Variants in RNF220 observed in about 807,000 individuals in gnomAD.
RNF220 encodes the protein ring finger protein 220, also known as E3 ubiquitin-protein ligase RNF220.
A neutral mutation model predicts 67.1 loss-of-function variants in RNF220; 7 were observed. That is an observed-to-expected ratio of 0.10 (90% CI 0.06 to 0.20). The LOEUF is 0.20. Ranked by LOEUF, RNF220 falls within the 10% of genes least tolerant of loss-of-function variation. The pLI, the probability that RNF220 is intolerant of heterozygous loss-of-function variation, is 1.00. For missense variants in RNF220, 565 were observed against 740.3 expected (o/e 0.76, Z 2.75); for synonymous variants, 270 against 283.2 (o/e 0.95, Z 0.47).
intron 2 of RNF220, among the ~76,000 whole-genome samples, chr1:44,578,918 C>A (rs1277719013): frequency 6.6e-6 from 1 of 152,142 alleles, no homozygotes; most frequent in Admixed American, 6.5e-5. Context: ...GTAATCCCAG[C>A]ACTTTGGGAG....
chr1:44,539,660 G>A (rs1250261592), intron 2 of RNF220, among the ~76,000 whole-genome samples: 1 of 152,176 alleles, frequency 6.6e-6, no homozygotes, highest in African/African-American at 2.4e-5. Flanking sequence ...TAACACTAAA[G>A]TCAGTCTTAA....
intron 2 of RNF220, among the ~76,000 whole-genome samples, chr1:44,441,245 T>C (rs1651521954): frequency 6.6e-6 from 1 of 152,190 alleles, no homozygotes; most frequent in Non-Finnish European, 1.5e-5. Flanking sequence ...GGACTGAGGC[T>C]TTTAATTTGC....
chr1:44,503,581 T>C (rs1310161213), intron 2 of RNF220, among the ~76,000 whole-genome samples: 1 of 152,096 alleles, frequency 6.6e-6, no homozygotes, highest in Admixed American at 6.6e-5. Context: ...ACATATAATC[T>C]CAGACACCCC....
intron 2 of RNF220, among the ~76,000 whole-genome samples, chr1:44,528,202 CTAAG>C (rs917554886): frequency 2.6e-5 from 4 of 151,688 alleles, no homozygotes; most frequent in Non-Finnish European, 5.9e-5. Context: ...ATAAAATGGA[CTAAG>C]TAATGAACAA....
At chr1:44,571,398 C>T (rs956232013) in intron 2 of RNF220, among the ~76,000 whole-genome samples, 9 of 152,176 alleles carry the variant, frequency 5.9e-5, no homozygotes, top group Non-Finnish European at 1.0e-4. Flanking sequence ...CTTTCCTGGC[C>T]ACCTGCTGTC....
chr1:44,484,806 T>A (rs1486405942), intron 2 of RNF220, among the ~76,000 whole-genome samples: 1 of 152,180 alleles, frequency 6.6e-6, no homozygotes, highest in Non-Finnish European at 1.5e-5. Flanking sequence ...GATTGTACAG[T>A]CTAGATGTAC....
chr1:44,592,036 G>A (rs923140960), intron 2 of RNF220, among the ~76,000 whole-genome samples: 8 of 152,158 alleles, frequency 5.3e-5, no homozygotes, highest in African/African-American at 1.9e-4. Flanking sequence ...ACCCCCAGAG[G>A]ACTGGCCCAC....
intron 2 of RNF220, among the ~76,000 whole-genome samples, chr1:44,609,947 C>G (rs1286667699): frequency 6.6e-6 from 1 of 152,206 alleles, no homozygotes; most frequent in African/African-American, 2.4e-5. Flanking sequence ...AGAGTCGCCT[C>G]CCTGCTCTTG....
At chr1:44,469,123 A>G (rs12061137) in intron 2 of RNF220, among the ~76,000 whole-genome samples, 47,021 of 151,996 alleles carry the variant, frequency 0.31, 7,408 homozygotes, top group Middle Eastern at 0.39. Context: ...CAATAATCAT[A>G]TGAAAAAGAT....
intron 2 of RNF220, among the ~76,000 whole-genome samples, chr1:44,585,938 C>T (rs959202470): frequency 1.4e-4 from 21 of 152,076 alleles, no homozygotes; most frequent in African/African-American, 4.8e-4. Flanking sequence ...GCTGTAGACC[C>T]GAATCTACCT....
At chr1:44,586,680 G>C (rs1229521330) in intron 2 of RNF220, among the ~76,000 whole-genome samples, 1 of 152,206 alleles carries the variant, frequency 6.6e-6, no homozygotes, top group East Asian at 1.9e-4. Context: ...GGCCCTTTTA[G>C]GAGACAGTTA....
chr1:44,444,817 G>A (rs1651917573), intron 2 of RNF220, among the ~76,000 whole-genome samples: 1 of 152,076 alleles, frequency 6.6e-6, no homozygotes, highest in Non-Finnish European at 1.5e-5. Context: ...TATGAAAAAT[G>A]CTGCTATAAA....
intron 2 of RNF220, among the ~76,000 whole-genome samples, chr1:44,469,182 T>C (rs1371979307): frequency 6.6e-6 from 1 of 152,212 alleles, no homozygotes; most frequent in Non-Finnish European, 1.5e-5. Context: ...GGGAATCCTT[T>C]GGAGAAGAAT....
intron 9 of RNF220, 94 bp downstream of exon 9, chr1:44,644,888 C>A (rs999106755): frequency 6.9e-5 from 105 of 1,522,290 alleles, no homozygotes; most frequent in Non-Finnish European, 7.1e-5. Flanking sequence ...TGCACCACCC[C>A]CCGGGCCAGA....
intron 2 of RNF220, among the ~76,000 whole-genome samples, chr1:44,430,928 G>T (rs1410818296): frequency 2.6e-5 from 4 of 152,228 alleles, no homozygotes; most frequent in African/African-American, 9.6e-5. Context: ...TTGAATCTTG[G>T]AGAGATGAAT....
intron 6 of RNF220, among the ~76,000 whole-genome samples, chr1:44,634,587 T>C (rs890912571): frequency 6.6e-6 from 1 of 152,168 alleles, no homozygotes. Flanking sequence ...TCCCCATCAG[T>C]CTGGTCCCAG....
intron 2 of RNF220, among the ~76,000 whole-genome samples, chr1:44,525,014 G>A (rs1361738702): frequency 2.0e-5 from 3 of 152,040 alleles, no homozygotes; most frequent in Non-Finnish European, 2.9e-5. Flanking sequence ...AATGTCACCC[G>A]TCTATCAGAG....
intron 2 of RNF220, among the ~76,000 whole-genome samples, chr1:44,595,548 A>C (rs940103318): frequency 6.6e-6 from 1 of 152,032 alleles, no homozygotes; most frequent in Non-Finnish European, 1.5e-5. Flanking sequence ...ATCAGTAAGC[A>C]GGTGTTTTCT....
At position 44,624,818 on chromosome 1, in the gene RNF220, G is replaced by A. The variant is rs1428396806; in HGVS notation, c.805-1479G>A. On this transcript the variant is annotated intron_variant, in intron 4 of 14. Coordinates refer to ENST00000361799, the MANE Select transcript of RNF220 (RefSeq NM_018150.4). This position sits in a 1 kb window ranked among gnomAD's most constrained non-coding sequence, Gnocchi z 4.2. ...GAATTATTTTCTTAAAGATCTTATC[G>A]CTTACAATGATAATTTTACCTTCCA... is the stretch of plus-strand genomic sequence containing the variant. 1.3e-5 allele frequency among the ~76,000 whole-genome samples: 2 copies of A among 152,170 alleles called. No homozygotes were observed. The highest frequency in any genetic ancestry group is 2.1e-4 in the South Asian group (1 of 4,824).
Sources: allele counts gnomAD v4.1 joint callset (sites outside exome capture counted in the v4.1 genomes callset), GRCh38; gene constraint gnomAD v4.1.1; non-coding constraint Gnocchi (gnomAD v3.1); transcripts MANE v1.5; gene names NCBI Gene and HGNC (gene_info 2026-07-23, HGNC 2026-07-21).